The following PCDHGA9 variants were observed in gnomAD, a reference collection of about 807,000 sequenced individuals.
PCDHGA9 encodes the protein protocadherin gamma-A9.
Under a neutral mutation model 62.5 loss-of-function variants are expected in PCDHGA9, and 37 were observed. The ratio of observed to expected loss-of-function variants is 0.59; its 90% CI spans 0.46 to 0.78. PCDHGA9 has a LOEUF of 0.78. PCDHGA9 is among the 30% of genes least tolerant of loss of function. The pLI is 0.00. For synonymous variants in PCDHGA9, 459 were observed against 484.6 expected, an observed-to-expected ratio of 0.95 and a Z score of 0.69; for missense variants, 1,138 against 1,166.2, an observed-to-expected ratio of 0.98 and a Z score of 0.35.
rs1025148587 is a variant in PCDHGA9, at chr5:141,431,434, C to T, written c.2424+26058C>T. ...GGGGCGACCCGGTGCGCACAGGCAC[C>T]GCGCGCATCCGCGTGATGGTTCTGG... On this transcript the variant is annotated intron_variant, in intron 1 of 3. Transcript: ENST00000573521. This position sits in a 1 kb window ranked among gnomAD's most constrained non-coding sequence, Gnocchi z 4.8. The T allele has an allele frequency of 6.2e-7, 1 of 1,613,690 alleles. No homozygotes were observed. The highest frequency in any genetic ancestry group is 1.3e-5 in the African/African-American group (1 of 75,072).
In PCDHGA9 at chr5:141,432,601, G is replaced by A. The variant is rs1313279772; in HGVS notation, c.2424+27225G>A. The A allele has an allele frequency of 5.6e-6, 9 of 1,613,950 alleles. No homozygotes were observed. Among genetic ancestry groups the A allele is most frequent in the Admixed American group, 1.7e-5 (1 of 60,030 alleles). On this transcript the variant is annotated intron_variant, in intron 1 of 3. Transcript: ENST00000573521. The surrounding 1 kb of genome is among the most constrained non-coding windows in gnomAD (Gnocchi z 6.0). ...ACCGTCTGCTCAAGGCCAGCGAGCC[G>A]GGACTCTTCTCGGTGGGTCTGCACA...
intron 1 of PCDHGA9, among the ~76,000 whole-genome samples, chr5:141,482,530 C>CAAAAAAAAAAAAAA (rs3074545): frequency 1.2e-4 from 9 of 76,558 alleles, no homozygotes; most frequent in African/African-American, 3.8e-4. Flanking sequence ...GACAGACATG[C>CAAAAAAAAAAAAAA]AAAAAAAAAA....
chr5:141,428,430 GA>G, intron 1 of PCDHGA9: 1 of 421,748 alleles, frequency 2.4e-6, no homozygotes. Flanking sequence ...TCTGTTCTAA[GA>G]CTAGACCAGG....
In PCDHGA9 at chr5:141,485,610, C is replaced by A; in HGVS notation, c.2425-9197C>A. ...CTGGACTTGGAAATTGGGGAGGCAGCTCCTCCAGGACAGCGTTTCCCGTTG... is the reference window on the plus strand; with the variant it reads ...CTGGACTTGGAAATTGGGGAGGCAGATCCTCCAGGACAGCGTTTCCCGTTG... On this transcript the variant is annotated intron_variant, in intron 1 of 3. Coordinates refer to ENST00000573521, the MANE Select transcript of PCDHGA9 (RefSeq NM_018921.3). This position sits in a 1 kb window ranked among gnomAD's most constrained non-coding sequence, Gnocchi z 5.7. The A allele has an allele frequency of 1.2e-6, 2 of 1,612,076 alleles. No individual in the cohort carries two copies. The highest frequency in any genetic ancestry group is 1.7e-6 in the Non-Finnish European group (2 of 1,178,616).
chr5:141,423,762 G>GT, intron 1 of PCDHGA9: 1 of 264,254 alleles, frequency 3.8e-6, no homozygotes, highest in Non-Finnish European at 5.6e-6. Context: ...GGGGGGGGGT[G>GT]GGGCGGCATA....
Position 141,486,791 on chromosome 5 carries a change from C to G in PCDHGA9, c.2425-8016C>G. On this transcript the variant is annotated intron_variant, in intron 1 of 3. Coordinates refer to ENST00000573521, the MANE Select transcript of PCDHGA9 (RefSeq NM_018921.3). The surrounding 1 kb of genome is among the most constrained non-coding windows in gnomAD (Gnocchi z 5.0). ...GCAGTTTGAGGTGCAGGCCCGGGAT[C>G]GGGGCAACCCACCCCTTAGCAGCAC... The G allele has an allele frequency of 1.9e-6, 3 of 1,614,224 alleles. No individual in the cohort carries two copies. The highest frequency in any genetic ancestry group is 2.5e-6 in the Non-Finnish European group (3 of 1,180,046).
intron 2 of PCDHGA9, 22 bp from the exon 3 acceptor site, chr5:141,505,371 C>G: frequency 1.2e-6 from 2 of 1,613,980 alleles, no homozygotes; most frequent in Non-Finnish European, 1.7e-6. Context: ...AGTCTGTGCT[C>G]ACCATCCTAC....
intron 1 of PCDHGA9, chr5:141,408,518 T>G: frequency 6.2e-7 from 1 of 1,614,012 alleles, no homozygotes; most frequent in Non-Finnish European, 8.5e-7. Flanking sequence ...TGAGTTGCAA[T>G]TGGAAGCTGT....
intron 1 of PCDHGA9, among the ~76,000 whole-genome samples, chr5:141,482,072 C>G (rs1010432509): frequency 1.5e-5 from 2 of 133,436 alleles, no homozygotes; most frequent in African/African-American, 5.9e-5. Flanking sequence ...GCAACAAGAA[C>G]AAAACTCACT....
intron 1 of PCDHGA9, chr5:141,418,786 TGAA>T: frequency 1.2e-6 from 2 of 1,613,854 alleles, no homozygotes; most frequent in Non-Finnish European, 8.5e-7. Flanking sequence ...CTTTGGATTT[TGAA>T]GAAGTAGAAA....
chr5:141,446,634 G>A (rs927873152), intron 1 of PCDHGA9, among the ~76,000 whole-genome samples: 6 of 151,928 alleles, frequency 3.9e-5, no homozygotes, highest in Admixed American at 2.6e-4. Context: ...GCACCACCAC[G>A]CCTGGCTAAT....
At chr5:141,438,136 A>C (rs2097931548) in intron 1 of PCDHGA9, among the ~76,000 whole-genome samples, 1 of 152,186 alleles carries the variant, frequency 6.6e-6, no homozygotes, top group Non-Finnish European at 1.5e-5. Flanking sequence ...TAATGGCAAA[A>C]GATAGCCAGC....
Position 141,432,093 on chromosome 5 carries a change from CCAACGA to C in PCDHGA9, c.2424+26722_2424+26727del. 1.2e-6 allele frequency: 2 copies of C among 1,614,170 alleles called. No individual in the cohort carries two copies. The highest frequency in any genetic ancestry group is 1.7e-6 in the Non-Finnish European group (2 of 1,180,046). On this transcript the variant is annotated intron_variant, in intron 1 of 3. Coordinates refer to ENST00000573521, the MANE Select transcript of PCDHGA9 (RefSeq NM_018921.3). The surrounding 1 kb of genome is among the most constrained non-coding windows in gnomAD (Gnocchi z 6.0). ...CATATCTCGCTGAACGTGGCAGACA[CCAACGA>C]CAACCCGCCGGTCTTCCCTCAGGCC...
At chr5:141,472,040 G>T (rs1431219928) in intron 1 of PCDHGA9, among the ~76,000 whole-genome samples, 4 of 152,018 alleles carry the variant, frequency 2.6e-5, no homozygotes, top group Non-Finnish European at 5.9e-5. Flanking sequence ...GCTGTGAAAA[G>T]ATTTTAAAAA....
Position 141,502,866 on chromosome 5 carries a change from C to CTTTTTTTTTTTTTT in PCDHGA9, c.2484-2526_2484-2513dup, listed in dbSNP as rs549047197. Among the ~76,000 whole-genome samples the CTTTTTTTTTTTTTT allele has an allele frequency of 1.6e-4, 20 of 128,024 alleles. 4 individuals are homozygous for CTTTTTTTTTTTTTT. The highest frequency in any genetic ancestry group is 2.6e-4 in the Admixed American group (3 of 11,660). 84.0% of individuals were successfully genotyped at this position (128,024 alleles called of 152,430 possible). A position where few individuals can be genotyped will look rare whatever the true frequency, so the allele number is the denominator to read the frequency against. The stretch of plus-strand genomic sequence containing the variant: ...GAGCTGCCTAACCCTGACTCTCTGT[C>CTTTTTTTTTTTTTT]TTTTTTTTTTTTTTGACAGGGAGTC... On this transcript the variant is annotated intron_variant, in intron 2 of 3. Transcript: ENST00000573521.
chr5:141,504,765 C>T lies in PCDHGA9; in HGVS notation c.2484-628C>T, dbSNP rs548234873. ...ATTGAATTTTAGAAATTTCTTCTCC[C>T]TGCTCCAGGGTCTCTTGGGGCCTCC... On this transcript the variant is annotated intron_variant, in intron 2 of 3. Transcript: ENST00000573521. Among the ~76,000 whole-genome samples, 4 of 152,156 alleles carry T rather than the reference C, an allele frequency of 2.6e-5. No homozygotes were observed. The South Asian group carries it at 8.3e-4, about 32-fold the overall frequency.
At chr5:141,450,986 G>A (rs950903600) in intron 1 of PCDHGA9, among the ~76,000 whole-genome samples, 15 of 151,310 alleles carry the variant, frequency 9.9e-5, no homozygotes, top group Non-Finnish European at 1.3e-4. Context: ...CACCACACCC[G>A]GCTAATTTTT....
Position 141,489,524 on chromosome 5 carries a change from T to TA in PCDHGA9, c.2425-5282dup. Reference sequence around the variant, plus strand: ...AATCAAAAGATTGACCGAGAAAGCCTATGTGGAGCCAGCACCAGCTGCCTG... The same window carrying TA: ...AATCAAAAGATTGACCGAGAAAGCCTAATGTGGAGCCAGCACCAGCTGCCTG... On this transcript the variant is annotated intron_variant, in intron 1 of 3. Transcript: ENST00000573521. This position sits in a 1 kb window ranked among gnomAD's most constrained non-coding sequence, Gnocchi z 4.5. 6.2e-7 allele frequency: 1 copy of TA among 1,614,076 alleles called. No homozygotes were observed. Among genetic ancestry groups the TA allele is most frequent in the Non-Finnish European group, 8.5e-7 (1 of 1,180,010 alleles).
chr5:141,485,734 C>T lies in PCDHGA9; in HGVS notation c.2425-9073C>T. ...CACTGGATGTGAAGAAGCGCAGCGACGGCAGCCTGGTCCCAGAGCTGCTCC... is the reference window on the plus strand; with the variant it reads ...CACTGGATGTGAAGAAGCGCAGCGATGGCAGCCTGGTCCCAGAGCTGCTCC... On this transcript the variant is annotated intron_variant, in intron 1 of 3. Transcript: ENST00000573521. This position sits in a 1 kb window ranked among gnomAD's most constrained non-coding sequence, Gnocchi z 5.7. The T allele has an allele frequency of 6.2e-7, 1 of 1,614,210 alleles. No individual in the cohort carries two copies. The highest frequency in any genetic ancestry group is 8.5e-7 in the Non-Finnish European group (1 of 1,180,028).
Sources: allele counts gnomAD v4.1 joint callset (sites outside exome capture counted in the v4.1 genomes callset), GRCh38; gene constraint gnomAD v4.1.1; non-coding constraint Gnocchi (gnomAD v3.1); transcripts MANE v1.5; gene names NCBI Gene and HGNC (gene_info 2026-07-23, HGNC 2026-07-21).